The following SPAM1 variants were observed in gnomAD, a reference collection of about 807,000 sequenced individuals.
The protein encoded by SPAM1 is hyaluronidase PH-20.
In SPAM1, 22 loss-of-function variants were observed where a neutral mutation model predicts 29.6. That is an observed-to-expected ratio of 0.74 (90% confidence interval 0.53 to 1.06). The LOEUF (loss-of-function observed/expected upper bound fraction) is 1.06, where lower values mean the gene tolerates loss of function less well. Among genes scored for constraint, SPAM1 ranks in the 50% least tolerant of loss-of-function variants. The pLI is 0.00. For synonymous variants in SPAM1, 194 were observed against 204.6 expected (o/e 0.95, Z 0.44); for missense variants, 534 against 604.0 (o/e 0.88, Z 1.21).
downstream of SPAM1, among the ~76,000 whole-genome samples, chr7:123,962,986 A>G (rs1205983266): frequency 6.6e-6 from 1 of 151,838 alleles, no homozygotes; most frequent in African/African-American, 2.4e-5. Context: ...TGATACCACT[A>G]TATGACAATT....
At chr7:123,966,907 G>A (rs1447514609) in intron 5 of SPAM1, among the ~76,000 whole-genome samples, 4 of 151,974 alleles carry the variant, frequency 2.6e-5, no homozygotes, top group African/African-American at 2.4e-5. Context: ...CCTGGAACTG[G>A]AAGGTTGAAG....
chr7:123,941,188 G>C (rs1467050928), intron 1 of SPAM1, among the ~76,000 whole-genome samples: 1 of 152,112 alleles, frequency 6.6e-6, no homozygotes, highest in Non-Finnish European at 1.5e-5. Context: ...AAACCAAAAG[G>C]TATCTGAGAC....
At chr7:123,955,107 A>G (rs1397366897) in intron 4 of SPAM1, 21 bp downstream of exon 4, 5 of 1,443,468 alleles carry the variant, frequency 3.5e-6, no homozygotes. Flanking sequence ...TTGGTAGAAA[A>G]TAGGTGAAAA....
rs533539671 is a variant in SPAM1, at chr7:123,929,810, T to C, written c.-319+4458T>C. Among the ~76,000 whole-genome samples the C allele has an allele frequency of 1.1e-4, 17 of 152,260 alleles. No individual in the cohort carries two copies. The East Asian group carries it at 1.2e-3, about 10-fold the overall frequency. On this transcript the variant is annotated intron_variant, in intron 1 of 4. Coordinates refer to ENST00000682466, the MANE Select transcript of SPAM1 (RefSeq NM_153189.3). ...CAGCATTTACATAAGTAACTTGTAT[T>C]CCTTGGCCTGGAGATTAGGCCAGAG...
At chr7:123,957,022 G>A (rs1792262187) in intron 4 of SPAM1, among the ~76,000 whole-genome samples, 1 of 151,904 alleles carries the variant, frequency 6.6e-6, no homozygotes, top group Non-Finnish European at 1.5e-5. Flanking sequence ...ACTACTCTTT[G>A]TGTAACCCTT....
intron 5 of SPAM1, among the ~76,000 whole-genome samples, chr7:123,968,316 G>T (rs1014294034): frequency 6.6e-6 from 1 of 152,036 alleles, no homozygotes; most frequent in Non-Finnish European, 1.5e-5. Context: ...TATTGGCATG[G>T]AAAGAGAAGG....
chr7:123,954,062 C>A lies in SPAM1; in HGVS notation c.492C>A (p.Tyr164Ter). The A allele has an allele frequency of 6.2e-7, 1 of 1,613,408 alleles. No homozygotes were observed. Among genetic ancestry groups the A allele is most frequent in the Non-Finnish European group, 8.5e-7 (1 of 1,179,706 alleles). ...WARNWKPKDV[Y>*]KNRSIELVQQ... The stretch of plus-strand genomic sequence containing the variant: ...GAAACTGGAAACCTAAAGATGTTTA[C>A]AAGAATAGGTCTATTGAATTGGTTC... Residue 164 changes from tyrosine to a stop codon, truncating the protein, a stop_gained, in exon 3 of 5, where the codon TAC becomes TAA. Transcript: ENST00000682466. LOFTEE classifies it high-confidence loss of function.
chr7:123,941,338 A>G (rs1422948587), intron 1 of SPAM1, among the ~76,000 whole-genome samples: 3 of 152,220 alleles, frequency 2.0e-5, no homozygotes, highest in African/African-American at 7.2e-5. Context: ...GATGTGAGAC[A>G]TTAATCAATA....
intron 1 of SPAM1, among the ~76,000 whole-genome samples, chr7:123,927,694 C>T (rs1022817089): frequency 3.9e-5 from 6 of 152,046 alleles, no homozygotes; most frequent in African/African-American, 1.4e-4. Flanking sequence ...TATAAGAGCA[C>T]CCTGTTTAGT....
chr7:123,955,244 G>T (rs1166744794), intron 4 of SPAM1, among the ~76,000 whole-genome samples, 158 bp downstream of exon 4: 1 of 151,856 alleles, frequency 6.6e-6, no homozygotes, highest in Non-Finnish European at 1.5e-5. Context: ...TTTGTGTGGT[G>T]GTTGTAAGGC....
chr7:123,970,314 G>A, intron 6 of SPAM1: 1 of 1,515,784 alleles, frequency 6.6e-7, no homozygotes, highest in Non-Finnish European at 8.9e-7. Flanking sequence ...TCTTCTCCTT[G>A]TGTCTTCCAT....
intron 1 of SPAM1, among the ~76,000 whole-genome samples, chr7:123,938,571 A>G (rs768838423): frequency 2.6e-5 from 4 of 152,188 alleles, no homozygotes; most frequent in Non-Finnish European, 5.9e-5. Context: ...TTGGGTCCCT[A>G]TTGCCTTTGG....
chr7:123,958,059 C>T (rs958665717), intron 4 of SPAM1, among the ~76,000 whole-genome samples: 10 of 151,976 alleles, frequency 6.6e-5, no homozygotes, highest in Admixed American at 3.9e-4. Context: ...TCTTTTGTCA[C>T]ATAAGTTCAC....
chr7:123,956,401 T>C (rs1000845464), intron 4 of SPAM1, among the ~76,000 whole-genome samples: 3 of 152,044 alleles, frequency 2.0e-5, no homozygotes, highest in South Asian at 2.1e-4. Flanking sequence ...ACATGTTATG[T>C]TTTCTCTGAT....
intron 4 of SPAM1, among the ~76,000 whole-genome samples, chr7:123,957,532 G>A (rs1007443197): frequency 2.0e-5 from 3 of 152,036 alleles, no homozygotes; most frequent in Non-Finnish European, 4.4e-5. Context: ...ATATTGGATT[G>A]TTACGAAGAT....
At chr7:123,926,757 G>A (rs1298197139) in intron 1 of SPAM1, among the ~76,000 whole-genome samples, 1 of 152,190 alleles carries the variant, frequency 6.6e-6, no homozygotes, top group African/African-American at 2.4e-5. Context: ...ATTGGTTGAG[G>A]TTGTCTGAAG....
intron 1 of SPAM1, among the ~76,000 whole-genome samples, chr7:123,943,178 T>A (rs1325591704): frequency 6.6e-6 from 1 of 152,194 alleles, no homozygotes; most frequent in Non-Finnish European, 1.5e-5. Flanking sequence ...CGGTTTAGTC[T>A]ATGCAGTTAA....
chr7:123,935,534 T>C (rs1203266562), intron 1 of SPAM1, among the ~76,000 whole-genome samples: 1 of 152,166 alleles, frequency 6.6e-6, no homozygotes, highest in South Asian at 2.1e-4. Context: ...CTAAATTACT[T>C]AGTCCAGTAG....
At position 123,930,541 on chromosome 7, in the gene SPAM1, T is replaced by A. The variant is rs138898238; in HGVS notation, c.-319+5189T>A. Reference sequence around the variant, plus strand: ...TCTCATTTCACAAACATTGTAAGAATAATGATTGTGAAAATTAATGTCTCT... The same window carrying A: ...TCTCATTTCACAAACATTGTAAGAAAAATGATTGTGAAAATTAATGTCTCT... On this transcript the variant is annotated intron_variant, in intron 1 of 4. Coordinates refer to ENST00000682466, the MANE Select transcript of SPAM1 (RefSeq NM_153189.3). Among the ~76,000 whole-genome samples the A allele has an allele frequency of 4.7e-4, 71 of 152,316 alleles. No homozygotes were observed. The East Asian group carries it at 0.011, about 23-fold the overall frequency.
Sources: gnomAD v4.1 joint callset for allele counts (sites outside exome capture counted in the v4.1 genomes callset) on GRCh38, gnomAD v4.1.1 for gene constraint, MANE v1.5 for transcripts, NCBI Gene and HGNC (gene_info 2026-07-23, HGNC 2026-07-21) for gene names.